PRKN: variants seen among roughly 807,000 people sequenced by gnomAD.
PRKN encodes E3 ubiquitin-protein ligase parkin.
A neutral mutation model predicts 59.5 loss-of-function variants in PRKN; 56 were observed. That is an observed-to-expected ratio of 0.94 (90% CI 0.76 to 1.18). PRKN has a LOEUF of 1.18. Among genes scored for constraint, PRKN ranks in the 50% most tolerant of loss-of-function variants. The pLI, the probability that PRKN is intolerant of heterozygous loss-of-function variation, is 0.00. For missense variants in PRKN, 657 were observed against 596.4 expected (o/e 1.10, Z -1.06); for synonymous variants, 250 against 222.1 (o/e 1.13, Z -1.12).
chr6:162,149,681 G>C (rs6935386), intron 4 of PRKN, among the ~76,000 whole-genome samples: 3,487 of 152,172 alleles, frequency 0.023, 146 homozygotes, highest in African/African-American at 0.08. Flanking sequence ...AAGTCTCCAG[G>C]GTCTGGTAGT....
chr6:162,073,042 T>C (rs1351945848), intron 4 of PRKN, among the ~76,000 whole-genome samples: 2 of 152,134 alleles, frequency 1.3e-5, no homozygotes, highest in African/African-American at 2.4e-5. Flanking sequence ...ATCTTATCTG[T>C]AAAGTGTGGG....
rs2115169629 is a variant in PRKN at position 161,462,959 on chromosome 6, G to A, written c.1084-76082C>T. 6.6e-6 allele frequency among the ~76,000 whole-genome samples: 1 copy of A among 152,240 alleles called. No homozygotes were observed. Among genetic ancestry groups the A allele is most frequent in the Middle Eastern group, 3.4e-3 (1 of 294 alleles). On this transcript the variant is annotated intron_variant, in intron 9 of 11. Transcript: ENST00000366898. The surrounding 1 kb of genome is among the most constrained non-coding windows in gnomAD (Gnocchi z 4.5). ...CAAGGCACTACAGTAGGCTATAGGGGCATGAAGATGTCAGAAGTTCTATGT... is the reference window on the plus strand; with the variant it reads ...CAAGGCACTACAGTAGGCTATAGGGACATGAAGATGTCAGAAGTTCTATGT...
intron 7 of PRKN, among the ~76,000 whole-genome samples, chr6:161,630,666 C>T (rs1783269250): frequency 6.6e-6 from 1 of 151,984 alleles, no homozygotes; most frequent in South Asian, 2.1e-4. Flanking sequence ...CTCTGGATAC[C>T]CTCTCCGCAG....
intron 2 of PRKN, among the ~76,000 whole-genome samples, chr6:162,327,852 CCAAGGGAA>C (rs1425662942): frequency 1.3e-5 from 2 of 152,020 alleles, no homozygotes; most frequent in Admixed American, 1.3e-4. Flanking sequence ...GGTGGATGGG[CCAAGGGAA>C]CACGAAGAAG....
intron 4 of PRKN, among the ~76,000 whole-genome samples, chr6:162,085,054 A>C (rs1779198782): frequency 8.1e-6 from 1 of 123,682 alleles, no homozygotes; most frequent in Admixed American, 7.5e-5. Context: ...TCCTACCACA[A>C]ACACACACAC....
At chr6:162,149,305 C>T (rs1372684356) in intron 4 of PRKN, among the ~76,000 whole-genome samples, 1 of 152,046 alleles carries the variant, frequency 6.6e-6, no homozygotes, top group Non-Finnish European at 1.5e-5. Context: ...AGTGCAGTGG[C>T]ACAATCTCTG....
intron 1 of PRKN, among the ~76,000 whole-genome samples, chr6:162,718,493 C>T (rs918428989): frequency 9.9e-5 from 15 of 152,160 alleles, no homozygotes; most frequent in South Asian, 2.1e-4. Context: ...AGGTGGATCA[C>T]GAGGTCAGGA....
At chr6:161,662,204 C>T (rs6912798) in intron 7 of PRKN, among the ~76,000 whole-genome samples, 3,278 of 152,026 alleles carry the variant, frequency 0.022, 130 homozygotes, top group African/African-American at 0.075. Flanking sequence ...AAAAAGTGCA[C>T]GTAGAGGGGG....
chr6:162,168,945 TG>T (rs1783123228), intron 4 of PRKN, among the ~76,000 whole-genome samples: 1 of 152,250 alleles, frequency 6.6e-6, no homozygotes, highest in Non-Finnish European at 1.5e-5. Flanking sequence ...CCCATTGTTC[TG>T]ATACGTATTT....
At chr6:161,531,380 CAAA>C (rs532305875) in intron 9 of PRKN, among the ~76,000 whole-genome samples, 1 of 118,576 alleles carries the variant, frequency 8.4e-6, no homozygotes, top group Admixed American at 9.0e-5. Flanking sequence ...GACTCCGTCT[CAAA>C]AAAAAAAAAA....
At chr6:162,332,612 T>C (rs573310252) in intron 2 of PRKN, among the ~76,000 whole-genome samples, 1 of 152,322 alleles carries the variant, frequency 6.6e-6, no homozygotes, top group South Asian at 2.1e-4. Context: ...GTTGGAAAAT[T>C]GCTGTGAATT....
chr6:162,139,897 A>C (rs1271449408), intron 4 of PRKN, among the ~76,000 whole-genome samples: 7 of 152,016 alleles, frequency 4.6e-5, no homozygotes, highest in Non-Finnish European at 1.0e-4. Context: ...TCTCAAAAAA[A>C]AAAAAAAATT....
intron 1 of PRKN, among the ~76,000 whole-genome samples, chr6:162,545,407 C>G (rs1226504148): frequency 6.6e-6 from 1 of 152,138 alleles, no homozygotes; most frequent in Non-Finnish European, 1.5e-5. Context: ...GCCAGAATTA[C>G]ACAGAAATTT....
chr6:162,034,186 T>TATAGAGAGAGAGAG (rs1349695864), intron 5 of PRKN, among the ~76,000 whole-genome samples: 3 of 133,284 alleles, frequency 2.3e-5, no homozygotes, highest in Non-Finnish European at 4.7e-5. Context: ...TATATATATA[T>TATAGAGAGAGAGAG]AGAGAGAGAG....
chr6:161,858,529 T>C (rs1430169667), intron 6 of PRKN, among the ~76,000 whole-genome samples: 2 of 152,158 alleles, frequency 1.3e-5, no homozygotes, highest in Non-Finnish European at 2.9e-5. Context: ...ACCATCAAGA[T>C]GGTAAAGGCT....
intron 1 of PRKN, among the ~76,000 whole-genome samples, chr6:162,652,923 A>T (rs554540640): frequency 6.6e-6 from 1 of 152,226 alleles, no homozygotes; most frequent in Admixed American, 6.5e-5. Flanking sequence ...TTTCAAATAC[A>T]AAAGATATAA....
chr6:162,327,378 T>C (rs889249773), intron 2 of PRKN, among the ~76,000 whole-genome samples: 9 of 152,308 alleles, frequency 5.9e-5, no homozygotes, highest in Admixed American at 6.5e-5. Flanking sequence ...AAAAAAGACA[T>C]GAGCAATCTG....
chr6:161,534,136 C>T (rs1336423895), intron 9 of PRKN, among the ~76,000 whole-genome samples: 1 of 152,100 alleles, frequency 6.6e-6, no homozygotes, highest in Non-Finnish European at 1.5e-5. Context: ...CTTTCCCTGT[C>T]CTGCTCTTGA....
intron 2 of PRKN, among the ~76,000 whole-genome samples, chr6:162,301,958 G>A (rs1781980244): frequency 6.6e-6 from 1 of 152,080 alleles, no homozygotes. Context: ...CTGATATCCT[G>A]TTAGACTAAA....
Sources: gnomAD v4.1 joint callset for allele counts (sites outside exome capture counted in the v4.1 genomes callset) on GRCh38, gnomAD v4.1.1 for gene constraint, Gnocchi (gnomAD v3.1) non-coding constraint, MANE v1.5 for transcripts, NCBI Gene and HGNC (gene_info 2026-07-23, HGNC 2026-07-21) for gene names.